The following MARCHF6 variants were observed in gnomAD, a reference collection of about 807,000 sequenced individuals.
The protein encoded by MARCHF6 is membrane associated ring-CH-type finger 6.
Under a neutral mutation model 133.7 loss-of-function variants are expected in MARCHF6, and 31 were observed. The observed-to-expected ratio is 0.23, with a 90% confidence interval of 0.17 to 0.31. The LOEUF is 0.31. Among genes scored for constraint, MARCHF6 ranks in the 10% least tolerant of loss-of-function variants. The probability of loss-of-function intolerance (pLI) is 1.00; values close to 1 mark genes in which losing one functional copy is unlikely to be tolerated. For synonymous variants in MARCHF6, 395 were observed against 402.5 expected (o/e 0.98, Z 0.22); for missense variants, 723 against 1,121.6 (o/e 0.64, Z 5.08).
At chr5:10,411,885 C>T (rs561465550) in intron 19 of MARCHF6, among the ~76,000 whole-genome samples, 30 of 152,196 alleles carry the variant, frequency 2.0e-4, no homozygotes, top group Non-Finnish European at 2.9e-4. Flanking sequence ...AAAGTGTAGG[C>T]GATAATTTCA....
intron 1 of MARCHF6, among the ~76,000 whole-genome samples, chr5:10,369,767 TTTAAC>T (rs1736358724): frequency 6.6e-6 from 1 of 152,128 alleles, no homozygotes; most frequent in Admixed American, 6.5e-5. Flanking sequence ...GTCTGGTTTC[TTTAAC>T]TTAATACAAT....
chr5:10,404,393 C>T (rs1738756851), intron 15 of MARCHF6, among the ~76,000 whole-genome samples: 1 of 152,050 alleles, frequency 6.6e-6, no homozygotes, highest in Admixed American at 6.6e-5. Flanking sequence ...TTCTATGTTT[C>T]TAATCTGGTT....
In MARCHF6 at chr5:10,381,924, A is replaced by T; in HGVS notation, c.315A>T (p.Gly105=). Reference sequence around the variant, plus strand: ...CACTTGTGGCCTTTGCATGGTTGGGAGTTGTTCCTCTTACAGCATGTGAGT... The same window carrying T: ...CACTTGTGGCCTTTGCATGGTTGGGTGTTGTTCCTCTTACAGCATGTGAGT... The part of the protein sequence containing the change: ...HYTLVAFAWL[G]VVPLTACRIY... Residue 105 remains glycine, a synonymous_variant, in exon 4 of 26, where the codon GGA becomes GGT. Transcript: ENST00000274140. 1 of 1,613,458 alleles carries T rather than the reference A, an allele frequency of 6.2e-7. No homozygotes were observed. Among genetic ancestry groups the T allele is most frequent in the Non-Finnish European group, 8.5e-7 (1 of 1,179,776 alleles).
chr5:10,355,681 A>C (rs555660886), intron 1 of MARCHF6, among the ~76,000 whole-genome samples: 1 of 152,338 alleles, frequency 6.6e-6, no homozygotes, highest in Admixed American at 6.5e-5. Context: ...CTTTATATAC[A>C]TTTCATTTAA....
In MARCHF6 at chr5:10,390,452, G is replaced by A; in HGVS notation, c.528G>A (p.Leu176=). 2 of 1,613,974 alleles carry A rather than the reference G, an allele frequency of 1.2e-6. No homozygotes were observed. Residue 176 remains leucine, a synonymous_variant, in exon 6 of 26, where the codon TTG becomes TTA. Transcript: ENST00000274140. ...QIVHGGAPIW[L]EHAAPPFNAA... Reference sequence around the variant, plus strand: ...TCCATGGGGGAGCACCAATTTGGTTGGAGCATGCTGCCCCACCGTTCAATG... The same window carrying A: ...TCCATGGGGGAGCACCAATTTGGTTAGAGCATGCTGCCCCACCGTTCAATG...
chr5:10,397,864 A>G (rs1561127625), intron 10 of MARCHF6, among the ~76,000 whole-genome samples: 1 of 152,180 alleles, frequency 6.6e-6, no homozygotes, highest in Non-Finnish European at 1.5e-5. Flanking sequence ...CTGCGAGGGC[A>G]GCTGTGAGGA....
chr5:10,365,417 C>T (rs1234396946), intron 1 of MARCHF6, among the ~76,000 whole-genome samples: 1 of 152,140 alleles, frequency 6.6e-6, no homozygotes, highest in East Asian at 1.9e-4. Context: ...TCTCCTGCCT[C>T]AGCCTCCCGA....
At chr5:10,409,603 G>C (rs970640833) in intron 17 of MARCHF6, among the ~76,000 whole-genome samples, 1 of 152,210 alleles carries the variant, frequency 6.6e-6, no homozygotes, top group African/African-American at 2.4e-5. Context: ...AGGAGCTCTT[G>C]GAAAGCTTTG....
intron 23 of MARCHF6, among the ~76,000 whole-genome samples, chr5:10,426,037 G>T (rs145469371): frequency 1.3e-5 from 2 of 152,202 alleles, no homozygotes; most frequent in African/African-American, 2.4e-5. Context: ...TACATATTAC[G>T]TATCTCTTTC....
chr5:10,414,994 T>TA (rs959887350), intron 20 of MARCHF6, among the ~76,000 whole-genome samples: 1 of 152,234 alleles, frequency 6.6e-6, no homozygotes, highest in African/African-American at 2.4e-5. Flanking sequence ...TTTAAAATGT[T>TA]ATTTTGCCCA....
At position 10,429,147 on chromosome 5, in the gene MARCHF6, G is replaced by T. The variant is rs374676059; in HGVS notation, c.2507-746G>T. Among the ~76,000 whole-genome samples, 10 of 152,252 alleles carry T rather than the reference G, an allele frequency of 6.6e-5. No individual in the cohort carries two copies. In the South Asian group the frequency reaches 1.2e-3, roughly 19 times the overall value. ...GGTGTTTGGAATAATCCACCTGACG[G>T]TATTAATTTTCTGAATTCCTCGAAA... On this transcript the variant is annotated intron_variant, in intron 24 of 25. Coordinates refer to ENST00000274140, the MANE Select transcript of MARCHF6 (RefSeq NM_005885.4).
intron 18 of MARCHF6, 42 bp downstream of exon 18, chr5:10,410,318 G>T: frequency 7.5e-6 from 12 of 1,596,436 alleles, no homozygotes; most frequent in Middle Eastern, 2.2e-4. Context: ...CATGTCATTT[G>T]TGACTATGGA....
intron 25 of MARCHF6, among the ~76,000 whole-genome samples, chr5:10,433,390 C>G (rs1383816326): frequency 6.6e-6 from 1 of 152,250 alleles, no homozygotes; most frequent in East Asian, 1.9e-4. Context: ...CATTGGAGGC[C>G]TTCCAGCCTG....
chr5:10,403,580 A>C (rs1461779163), intron 15 of MARCHF6, 39 bp downstream of exon 15: 1 of 1,565,272 alleles, frequency 6.4e-7, no homozygotes, highest in Admixed American at 2.0e-5. Flanking sequence ...TACATTTATA[A>C]AAAGGACTTT....
At chr5:10,410,875 A>G (rs377675581) in intron 18 of MARCHF6, among the ~76,000 whole-genome samples, 11 of 152,168 alleles carry the variant, frequency 7.2e-5, no homozygotes, top group African/African-American at 1.2e-4. Context: ...AGGTTTTACA[A>G]ATTTATAGCT....
At chr5:10,418,109 C>T (rs184608436) in intron 22 of MARCHF6, among the ~76,000 whole-genome samples, 20 of 152,154 alleles carry the variant, frequency 1.3e-4, no homozygotes, top group East Asian at 9.7e-4. Flanking sequence ...CTGGGTGCAG[C>T]GGCTTATGCC....
chr5:10,379,688 C>T (rs1034114217), intron 3 of MARCHF6, among the ~76,000 whole-genome samples: 1 of 152,140 alleles, frequency 6.6e-6, no homozygotes, highest in Non-Finnish European at 1.5e-5. Context: ...GTCTCGATCT[C>T]CTGACCTCAT....
intron 22 of MARCHF6, 84 bp from the exon 23 acceptor site, chr5:10,423,650 TA>T: frequency 1.2e-6 from 1 of 840,108 alleles, no homozygotes. Flanking sequence ...TGATGTGAAA[TA>T]ATGTAAGAAA....
intron 15 of MARCHF6, 26 bp downstream of exon 15, chr5:10,403,567 C>T: frequency 1.3e-6 from 2 of 1,581,000 alleles, no homozygotes; most frequent in Non-Finnish European, 1.7e-6. Context: ...AATGCTGATG[C>T]TGTACATTTA....
Sources: gnomAD v4.1 joint callset for allele counts (sites outside exome capture counted in the v4.1 genomes callset) on GRCh38, gnomAD v4.1.1 for gene constraint, MANE v1.5 for transcripts, NCBI Gene and HGNC (gene_info 2026-07-23, HGNC 2026-07-21) for gene names.